KLC1: variants seen among roughly 807,000 people sequenced by gnomAD.
KLC1 encodes kinesin light chain 1.
In KLC1, 30 loss-of-function variants were observed where a neutral mutation model predicts 84.2. The observed-to-expected ratio is 0.36, with a 90% CI of 0.27 to 0.48. The LOEUF is 0.48. Ranked by LOEUF, KLC1 falls within the 20% of genes least tolerant of loss-of-function variation. KLC1 has a pLI of 0.99. For missense variants in KLC1, 499 were observed against 805.4 expected (o/e 0.62, Z 4.60); for synonymous variants, 289 against 293.3 (o/e 0.99, Z 0.15).
chr14:103,631,180 A>G (rs1392850306), intron 1 of KLC1, among the ~76,000 whole-genome samples: 2 of 150,414 alleles, frequency 1.3e-5, no homozygotes, highest in Non-Finnish European at 3.0e-5. Context: ...TCCCGGGTTC[A>G]CGCCATTCTC....
chr14:103,700,318 C>G, intron 15 of KLC1: 1 of 278,148 alleles, frequency 3.6e-6, no homozygotes, highest in Non-Finnish European at 6.8e-6. Context: ...GAGGACCCCC[C>G]CAGTGAAGGC....
chr14:103,661,543 A>G (rs1251345197), intron 3 of KLC1, among the ~76,000 whole-genome samples: 1 of 152,106 alleles, frequency 6.6e-6, no homozygotes, highest in East Asian at 1.9e-4. Context: ...TGACAAAGCT[A>G]ATTTCTTACT....
intron 3 of KLC1, among the ~76,000 whole-genome samples, chr14:103,658,656 C>CTTTTT (rs58151718): frequency 9.3e-6 from 1 of 107,952 alleles, no homozygotes; most frequent in Non-Finnish European, 1.8e-5. Context: ...ATTCAGTTAA[C>CTTTTT]TTTTTTTTTT....
At chr14:103,699,993 C>T (rs1284629384) in intron 15 of KLC1, 1 of 308,622 alleles carries the variant, frequency 3.2e-6, no homozygotes, top group Admixed American at 4.4e-5. Context: ...ACCAGGTACT[C>T]AGACCACCCA....
intron 1 of KLC1, among the ~76,000 whole-genome samples, chr14:103,647,154 C>T (rs1019898749): frequency 3.9e-5 from 6 of 152,172 alleles, no homozygotes; most frequent in African/African-American, 2.4e-5. Flanking sequence ...CTTGTCTATC[C>T]GAACTGTTAA....
chr14:103,651,091 C>T (rs975236581), intron 1 of KLC1, among the ~76,000 whole-genome samples: 1 of 152,086 alleles, frequency 6.6e-6, no homozygotes, highest in African/African-American at 2.4e-5. Flanking sequence ...CTCACTGCAA[C>T]CTCCACCTCC....
intron 7 of KLC1, 58 bp from the exon 8 acceptor site, chr14:103,672,956 A>G (rs562131892): frequency 8.1e-6 from 12 of 1,474,972 alleles, no homozygotes; most frequent in Non-Finnish European, 1.1e-5. Context: ...AGTAGGGTGG[A>G]GAATGGATTG....
intron 1 of KLC1, among the ~76,000 whole-genome samples, chr14:103,642,227 C>G (rs551638472): frequency 6.6e-6 from 1 of 152,164 alleles, no homozygotes; most frequent in South Asian, 2.1e-4. Flanking sequence ...ACTGCTCAGC[C>G]CCTGGGTTCC....
intron 1 of KLC1, among the ~76,000 whole-genome samples, chr14:103,633,581 G>C (rs2076844440): frequency 6.6e-6 from 1 of 152,066 alleles, no homozygotes; most frequent in Non-Finnish European, 1.5e-5. Context: ...ACTGGATTGG[G>C]GTAAATGAGG....
intron 1 of KLC1, among the ~76,000 whole-genome samples, chr14:103,630,922 C>G (rs2076623997): frequency 6.6e-6 from 1 of 152,128 alleles, no homozygotes. Flanking sequence ...AACCTCTAAC[C>G]CTACTGCAGC....
At chr14:103,640,709 T>G (rs2077421471) in intron 1 of KLC1, among the ~76,000 whole-genome samples, 1 of 152,220 alleles carries the variant, frequency 6.6e-6, no homozygotes, top group Non-Finnish European at 1.5e-5. Context: ...TGGTTTTGTT[T>G]TTATCAAGTT....
intron 15 of KLC1, chr14:103,696,473 C>G (rs861541): frequency 0.98 from 969,278 of 985,206 alleles, 476,829 homozygotes; most frequent in East Asian, 1. Flanking sequence ...AATGATGTAT[C>G]GTTACAATGT....
At chr14:103,676,582 A>G (rs2080898956) in intron 11 of KLC1, among the ~76,000 whole-genome samples, 1 of 151,870 alleles carries the variant, frequency 6.6e-6, no homozygotes. Context: ...AACTTTCCTC[A>G]TCCTTTAAGA....
intron 14 of KLC1, among the ~76,000 whole-genome samples, chr14:103,689,703 G>A (rs996473777): frequency 6.6e-6 from 1 of 152,210 alleles, no homozygotes; most frequent in Non-Finnish European, 1.5e-5. Context: ...ATCGCTCAAG[G>A]ACCAGGGTGT....
rs1252902452 is a variant in KLC1 at position 103,701,198 on chromosome 14, C to T, written c.*2-3C>T. 3 of 1,550,868 alleles carry T rather than the reference C, an allele frequency of 1.9e-6. No individual in the cohort carries two copies. In the East Asian group the frequency reaches 7.3e-5, roughly 38 times the overall value. ...AGCCCTGACCTTCTATCTTCTCTTG[C>T]AGTGACCCCGACCTGGCCCCGCTCC... On this transcript the variant is annotated splice_region_variant and splice_polypyrimidine_tract_variant and intron_variant, in intron 16 of 16. Coordinates refer to ENST00000334553, the MANE Select transcript of KLC1 (RefSeq NM_001394837.1).
At chr14:103,660,003 G>A (rs540632149) in intron 3 of KLC1, among the ~76,000 whole-genome samples, 1 of 152,054 alleles carries the variant, frequency 6.6e-6, no homozygotes, top group South Asian at 2.1e-4. Context: ...CCACACTTTC[G>A]AGCTCATCTT....
In KLC1 at chr14:103,692,452, C is replaced by T. The variant is rs1247818357; in HGVS notation, c.1848+27C>T. On this transcript the variant is annotated intron_variant, in intron 15 of 16. Transcript: ENST00000334553. ...TAAGGAGCCTACCCCGAATTGTGTC[C>T]TAGGCTGCCCAGACCACGCTGGCAG... 2.6e-6 allele frequency: 4 copies of T among 1,533,226 alleles called. No homozygotes were observed. In the Admixed American group the frequency reaches 7.8e-5, roughly 30 times the overall value. The allele number at this position is 1,533,226 out of a possible 1,614,324, so 95.0% of individuals were successfully genotyped here.
At chr14:103,688,944 A>G (rs2081942024) in intron 14 of KLC1, among the ~76,000 whole-genome samples, 1 of 152,214 alleles carries the variant, frequency 6.6e-6, no homozygotes. Flanking sequence ...TTATTTTAAA[A>G]TGTTTACAGA....
chr14:103,681,126 T>A (rs935031551), intron 13 of KLC1, among the ~76,000 whole-genome samples: 6 of 152,130 alleles, frequency 3.9e-5, no homozygotes, highest in Non-Finnish European at 7.4e-5. Flanking sequence ...GACACCTGAT[T>A]CTATAGGCCA....
Sources: gnomAD v4.1 joint callset for allele counts (sites outside exome capture counted in the v4.1 genomes callset) on GRCh38, gnomAD v4.1.1 for gene constraint, MANE v1.5 for transcripts, NCBI Gene and HGNC (gene_info 2026-07-23, HGNC 2026-07-21) for gene names.